Variants in EPM2A observed in about 807,000 individuals in gnomAD.
The protein encoded by EPM2A is laforin.
EPM2A carries 21 observed loss-of-function variants against 26.5 expected under a neutral mutation model. The observed-to-expected ratio is 0.79, with a 90% CI of 0.56 to 1.14. EPM2A has a LOEUF of 1.14. Among genes scored for constraint, EPM2A ranks in the 50% most tolerant of loss-of-function variants. EPM2A has a pLI of 0.00. For missense variants in EPM2A, 458 were observed against 440.8 expected (o/e 1.04, Z -0.35); for synonymous variants, 217 against 177.6 (o/e 1.22, Z -1.76).
intron 2 of EPM2A, among the ~76,000 whole-genome samples, chr6:145,672,808 C>T (rs535207914): frequency 6.6e-6 from 1 of 152,310 alleles, no homozygotes; most frequent in South Asian, 2.1e-4. Context: ...CAGACCTTCA[C>T]CCTCCAGGCA....
intron 4 of EPM2A, among the ~76,000 whole-genome samples, chr6:145,398,834 T>C: frequency 8.7e-6 from 1 of 114,806 alleles, no homozygotes. Context: ...CATTCCAGCC[T>C]GGGTGACAGA....
chr6:145,565,652 C>T (rs1390778524), intron 2 of EPM2A, among the ~76,000 whole-genome samples: 1 of 152,146 alleles, frequency 6.6e-6, no homozygotes, highest in African/African-American at 2.4e-5. Flanking sequence ...AAGGAAAGTC[C>T]TGAGTGAGGA....
chr6:145,425,501 A>G (rs1471859406), intron 4 of EPM2A, among the ~76,000 whole-genome samples: 1 of 151,602 alleles, frequency 6.6e-6, no homozygotes, highest in African/African-American at 2.4e-5. Context: ...ATTTCATGTT[A>G]TTTTCTGGAA....
intron 2 of EPM2A, among the ~76,000 whole-genome samples, chr6:145,526,164 G>T (rs1780270263): frequency 6.6e-6 from 1 of 152,012 alleles, no homozygotes; most frequent in Non-Finnish European, 1.5e-5. Flanking sequence ...TATTGAATTA[G>T]CTTTTTGATG....
chr6:145,408,299 T>C (rs1304983147), intron 4 of EPM2A, among the ~76,000 whole-genome samples: 1 of 152,168 alleles, frequency 6.6e-6, no homozygotes, highest in African/African-American at 2.4e-5. Flanking sequence ...ACAGCTGTAC[T>C]ACCCAGCACC....
At chr6:145,554,471 C>G (rs970989653) in intron 2 of EPM2A, among the ~76,000 whole-genome samples, 7 of 137,394 alleles carry the variant, frequency 5.1e-5, no homozygotes, top group African/African-American at 1.3e-4. Flanking sequence ...TAGATAGATA[C>G]ATAGACAGAG....
intron 2 of EPM2A, among the ~76,000 whole-genome samples, chr6:145,609,085 G>A (rs932265247): frequency 6.6e-6 from 1 of 152,192 alleles, no homozygotes; most frequent in Admixed American, 6.5e-5. Context: ...GGGAGAGGAG[G>A]TGATGGTATT....
At chr6:145,569,227 G>A (rs910150772) in intron 2 of EPM2A, among the ~76,000 whole-genome samples, 105 of 152,158 alleles carry the variant, frequency 6.9e-4, no homozygotes, top group African/African-American at 2.1e-3. Context: ...TTAAGCAGCC[G>A]TGAATTTTGT....
At chr6:145,708,278 A>G (rs923122647) in intron 1 of EPM2A, among the ~76,000 whole-genome samples, 4 of 152,262 alleles carry the variant, frequency 2.6e-5, no homozygotes, top group Non-Finnish European at 2.9e-5. Flanking sequence ...AGAAATTTTC[A>G]TAAGTAATGA....
chr6:145,690,978 A>T (rs1046912134), intron 1 of EPM2A, among the ~76,000 whole-genome samples: 10 of 147,266 alleles, frequency 6.8e-5, no homozygotes, highest in African/African-American at 1.7e-4. Context: ...GGCTGAATTA[A>T]AAAAAAAAAA....
intron 1 of EPM2A, among the ~76,000 whole-genome samples, chr6:145,702,157 T>C (rs1781949516): frequency 1.3e-5 from 2 of 152,204 alleles, no homozygotes; most frequent in Admixed American, 1.3e-4. Flanking sequence ...TTCTTCAGCG[T>C]CCTGCAATAT....
At chr6:145,554,791 G>T (rs1253938853) in intron 2 of EPM2A, among the ~76,000 whole-genome samples, 1 of 152,068 alleles carries the variant, frequency 6.6e-6, no homozygotes, top group Admixed American at 6.6e-5. Flanking sequence ...ATCAGCATAT[G>T]TATTGGGGAA....
At chr6:145,394,476 T>C (rs770499976) in intron 4 of EPM2A, among the ~76,000 whole-genome samples, 1 of 152,082 alleles carries the variant, frequency 6.6e-6, no homozygotes, top group Non-Finnish European at 1.5e-5. Context: ...TATAAGACAA[T>C]ATCCCCTCAA....
intron 2 of EPM2A, among the ~76,000 whole-genome samples, chr6:145,513,081 G>A (rs1168565380): frequency 6.6e-6 from 1 of 152,080 alleles, no homozygotes; most frequent in East Asian, 1.9e-4. Flanking sequence ...AAACTAAAAA[G>A]TGCCTGCACA....
intron 2 of EPM2A, among the ~76,000 whole-genome samples, chr6:145,668,821 A>T (rs1041541582): frequency 6.6e-6 from 1 of 152,210 alleles, no homozygotes; most frequent in Non-Finnish European, 1.5e-5. Context: ...TTATTTGTAA[A>T]ACATCTAAAA....
chr6:145,416,517 A>C (rs1778710423), intron 4 of EPM2A, among the ~76,000 whole-genome samples: 1 of 152,134 alleles, frequency 6.6e-6, no homozygotes, highest in African/African-American at 2.4e-5. Context: ...AATGACTTGC[A>C]AGAATTAAAA....
At chr6:145,692,841 A>G (rs1051320223) in intron 1 of EPM2A, among the ~76,000 whole-genome samples, 10 of 151,896 alleles carry the variant, frequency 6.6e-5, no homozygotes, top group African/African-American at 2.4e-4. Flanking sequence ...TTTGAAGTCA[A>G]GTAATGTGAT....
chr6:145,611,354 G>C (rs1775387885), intron 2 of EPM2A, among the ~76,000 whole-genome samples: 1 of 151,756 alleles, frequency 6.6e-6, no homozygotes, highest in East Asian at 1.9e-4. Flanking sequence ...TTCGACTTCT[G>C]CTTGCCAGTA....
intron 2 of EPM2A, among the ~76,000 whole-genome samples, chr6:145,683,268 G>GGTGTGTGTGTGTGTGTGTGTGTGT (rs35326843): frequency 3.4e-4 from 46 of 134,002 alleles, no homozygotes; most frequent in Non-Finnish European, 4.8e-4. Context: ...CCCAGGATTT[G>GGTGTGTGTGTGTGTGTGTGTGTGT]GTGTGTGTGT....
Sources: gnomAD v4.1 joint callset for allele counts (sites outside exome capture counted in the v4.1 genomes callset) on GRCh38, gnomAD v4.1.1 for gene constraint, MANE v1.5 for transcripts, NCBI Gene and HGNC (gene_info 2026-07-23, HGNC 2026-07-21) for gene names.